MRPS7: variants seen among roughly 807,000 people sequenced by gnomAD.
MRPS7 encodes small ribosomal subunit protein uS7m.
A neutral mutation model predicts 26.2 loss-of-function variants in MRPS7; 13 were observed. The ratio of observed to expected loss-of-function variants is 0.50; its 90% CI spans 0.32 to 0.79. The LOEUF (loss-of-function observed/expected upper bound fraction) is 0.79. Among genes scored for constraint, MRPS7 ranks in the 30% least tolerant of loss-of-function variants. The pLI, the probability that MRPS7 is intolerant of heterozygous loss-of-function variation, is 0.03. For missense variants in MRPS7, 318 were observed against 312.2 expected (o/e 1.02, Z -0.14); for synonymous variants, 129 against 113.3 (o/e 1.14, Z -0.88).
chr17:75,263,266 G>A, intron 3 of MRPS7, 74 bp from the exon 4 acceptor site: 1 of 1,573,410 alleles, frequency 6.4e-7, no homozygotes, highest in Admixed American at 1.7e-5. Flanking sequence ...GGGAGTAAAG[G>A]GCAAGGTACT....
At chr17:75,263,541 C>G in intron 4 of MRPS7, 34 bp downstream of exon 4, 1 of 1,612,412 alleles carries the variant, frequency 6.2e-7, no homozygotes, top group Non-Finnish European at 8.5e-7. Context: ...AAGCAGGGCC[C>G]TCCACATGTG....
At chr17:75,262,323 G>A in intron 1 of MRPS7, 174 bp from the exon 2 acceptor site, 1 of 763,070 alleles carries the variant, frequency 1.3e-6, no homozygotes. Flanking sequence ...CGCCTGCTTG[G>A]GGAATGTCCT....
intron 4 of MRPS7, chr17:75,263,748 G>C (rs1372915051): frequency 2.0e-6 from 1 of 500,886 alleles, no homozygotes. Context: ...AGGTGTGGTG[G>C]TGTGCATCTG....
intron 3 of MRPS7, chr17:75,263,073 A>G: frequency 1.8e-6 from 1 of 553,824 alleles, no homozygotes. Context: ...ACACACAATT[A>G]AAAAAAAAGG....
chr17:75,265,417 C>G (rs148624497), intron 4 of MRPS7, among the ~76,000 whole-genome samples: 1 of 152,050 alleles, frequency 6.6e-6, no homozygotes, highest in East Asian at 1.9e-4. Context: ...TCAAGCGATC[C>G]TCCTGCCTCA....
intron 4 of MRPS7, among the ~76,000 whole-genome samples, chr17:75,264,744 C>T (rs1249175474): frequency 6.7e-6 from 1 of 150,210 alleles, no homozygotes; most frequent in Non-Finnish European, 1.5e-5. Context: ...GTAATCTCAG[C>T]TCTCGGCTCA....
At chr17:75,265,016 G>A (rs1027270581) in intron 4 of MRPS7, among the ~76,000 whole-genome samples, 6 of 152,032 alleles carry the variant, frequency 3.9e-5, no homozygotes, top group African/African-American at 1.4e-4. Context: ...ATTTAGGAGG[G>A]AAAATGGCCA....
intron 4 of MRPS7, chr17:75,263,767 A>C: frequency 2.4e-6 from 1 of 423,726 alleles, no homozygotes; most frequent in Non-Finnish European, 4.3e-6. Flanking sequence ...TGTGCTCCCA[A>C]CTACTCAGGA....
intron 4 of MRPS7, chr17:75,264,360 G>A (rs1398113993): frequency 6.6e-6 from 1 of 152,126 alleles, no homozygotes; most frequent in African/African-American, 2.4e-5. Flanking sequence ...CTCATGGCGA[G>A]GGACTATTCA....
intron 1 of MRPS7, 114 bp from the exon 2 acceptor site, chr17:75,262,383 G>T: frequency 8.3e-7 from 1 of 1,202,650 alleles, no homozygotes; most frequent in Non-Finnish European, 1.2e-6. Flanking sequence ...TTAGCTCGCG[G>T]TCTCCGCGCC....
rs1470737783 is a variant in MRPS7, at chr17:75,261,904, G to A, written c.4G>A (p.Ala2Thr). M[A>T]APAVKVARGW... ...GGGGTCCTCGTGGCCAGCCAAGATG[G>A]CTGCCCCCGCAGTGAAGGTTGCCCG... The change falls in exon 1 of 5, where the codon GCT becomes ACT. Residue 2 changes from alanine (A) to threonine (T), a missense_variant. Ala to Thr is a moderately conservative substitution (Grantham distance 58). Transcript: ENST00000245539. 1.9e-6 allele frequency: 3 copies of A among 1,608,676 alleles called. No individual in the cohort carries two copies. The highest frequency in any genetic ancestry group is 1.7e-6 in the Non-Finnish European group (2 of 1,179,692).
chr17:75,263,859 CAA>C (rs1386111320), intron 4 of MRPS7: 1 of 109,498 alleles, frequency 9.1e-6, no homozygotes, highest in African/African-American at 3.6e-5. Context: ...CCAGCCTGGG[CAA>C]GAGAGAGAAA....
intron 1 of MRPS7, chr17:75,262,293 G>A: frequency 1.5e-6 from 1 of 674,846 alleles, no homozygotes; most frequent in Non-Finnish European, 2.5e-6. Flanking sequence ...GTTAGCACTT[G>A]ACCAGGAGGA....
chr17:75,263,612 TG>T, intron 4 of MRPS7, 105 bp downstream of exon 4: 6 of 1,435,042 alleles, frequency 4.2e-6, no homozygotes, highest in Non-Finnish European at 5.8e-6. Context: ...GCTGGTGCAG[TG>T]GGATTGCACC....
rs775608433 is a variant in MRPS7, at chr17:75,262,823, A to C, written c.295A>C (p.Met99Leu). 20 of 1,614,150 alleles carry C rather than the reference A, an allele frequency of 1.2e-5. No individual in the cohort carries two copies. Among genetic ancestry groups the C allele is most frequent in the Non-Finnish European group, 1.7e-5 (20 of 1,180,016 alleles). ...TTGAAGTAAATTCACCAACATGATGATGATAGGAGGAAACAAAGTACTGGC... is the reference window on the plus strand; with the variant it reads ...TTGAAGTAAATTCACCAACATGATGCTGATAGGAGGAAACAAAGTACTGGC... Reference protein sequence around the residue: ...PVISKFTNMMMIGGNKVLARS... With the variant: ...PVISKFTNMMLIGGNKVLARS... Residue 99 changes from methionine (M) to leucine (L), a missense_variant, in exon 3 of 5, where the codon ATG becomes CTG. Met to Leu is a conservative substitution (Grantham distance 15). Coordinates refer to ENST00000245539, the MANE Select transcript of MRPS7 (RefSeq NM_015971.4).
chr17:75,265,650 C>G, intron 4 of MRPS7, 52 bp from the exon 5 acceptor site: 1 of 1,540,228 alleles, frequency 6.5e-7, no homozygotes, highest in Middle Eastern at 1.7e-4. Context: ...GCAGGAGGCC[C>G]CAAACCCTGG....
chr17:75,262,448 C>A, intron 1 of MRPS7, 49 bp from the exon 2 acceptor site: 4 of 1,589,824 alleles, frequency 2.5e-6, no homozygotes, highest in Non-Finnish European at 3.4e-6. Context: ...CAAACCTACT[C>A]GCTTGTGGAG....
Position 75,265,771 on chromosome 17 carries a change from G to C in MRPS7, c.577G>C (p.Asp193His). The C allele has an allele frequency of 6.2e-7, 1 of 1,614,190 alleles. No individual in the cohort carries two copies. Among genetic ancestry groups the C allele is most frequent in the East Asian group, 2.2e-5 (1 of 44,894 alleles). Reference sequence around the variant, plus strand: ...GAAGTGGATGATCACTGAGTGCCGGGATAAAAAGCACCAGCGGACACTGAT... The same window carrying C: ...GAAGTGGATGATCACTGAGTGCCGGCATAAAAAGCACCAGCGGACACTGAT... ...AMKWMITECR[D>H]KKHQRTLMPE... Residue 193 changes from aspartate to histidine, a missense_variant, in exon 5 of 5, where the codon GAT becomes CAT. By Grantham distance (81) the Asp-to-His change is moderately conservative. Transcript: ENST00000245539.
At chr17:75,263,184 G>A in intron 3 of MRPS7, 156 bp from the exon 4 acceptor site, 1 of 851,968 alleles carries the variant, frequency 1.2e-6, no homozygotes, top group Non-Finnish European at 1.8e-6. Flanking sequence ...CTAGCAAAGG[G>A]GGAGGCACTT....
Sources: gnomAD v4.1 joint callset for allele counts (sites outside exome capture counted in the v4.1 genomes callset) on GRCh38, gnomAD v4.1.1 for gene constraint, MANE v1.5 for transcripts, NCBI Gene and HGNC (gene_info 2026-07-23, HGNC 2026-07-21) for gene names.